Variants in ADAMTSL3 observed in about 807,000 individuals in gnomAD.
ADAMTSL3 encodes the protein ADAMTS like 3, also known as ADAMTS-like protein 3.
A neutral mutation model predicts 201.7 loss-of-function variants in ADAMTSL3; 128 were observed. That is an observed-to-expected ratio of 0.63 (90% CI 0.55 to 0.73). ADAMTSL3 has a LOEUF of 0.73. ADAMTSL3 is among the 30% of genes least tolerant of loss of function. The pLI is 0.00. For synonymous variants in ADAMTSL3, 738 were observed against 748.4 expected, an observed-to-expected ratio of 0.99 and a Z score of 0.23; for missense variants, 1,990 against 2,119.6, an observed-to-expected ratio of 0.94 and a Z score of 1.20.
At chr15:83,996,616 C>G (rs2067690750) in intron 23 of ADAMTSL3, among the ~76,000 whole-genome samples, 1 of 151,464 alleles carries the variant, frequency 6.6e-6, no homozygotes, top group African/African-American at 2.4e-5. Flanking sequence ...CCTGTCTCTA[C>G]TAAAAATACA....
chr15:84,012,489 C>T (rs1035600866), intron 23 of ADAMTSL3, among the ~76,000 whole-genome samples: 4 of 152,180 alleles, frequency 2.6e-5, no homozygotes, highest in Non-Finnish European at 4.4e-5. Flanking sequence ...TGCTCTGACA[C>T]TTTGAATCTC....
chr15:83,819,744 T>C (rs992194041), intron 5 of ADAMTSL3, 67 bp from the exon 6 acceptor site: 54 of 1,296,916 alleles, frequency 4.2e-5, no homozygotes, highest in Non-Finnish European at 5.2e-5. Flanking sequence ...TCTGGTGAAC[T>C]TATTTCATCT....
intron 4 of ADAMTSL3, among the ~76,000 whole-genome samples, chr15:83,800,933 G>C (rs1219087904): frequency 6.6e-6 from 1 of 151,990 alleles, no homozygotes; most frequent in African/African-American, 2.4e-5. Flanking sequence ...AAATGAAGTA[G>C]GCCATGTAAG....
chr15:83,850,659 C>T (rs1297351451), intron 7 of ADAMTSL3, among the ~76,000 whole-genome samples: 1 of 152,154 alleles, frequency 6.6e-6, no homozygotes, highest in African/African-American at 2.4e-5. Flanking sequence ...CCTCAGATCA[C>T]AGCTTCCTGT....
intron 3 of ADAMTSL3, among the ~76,000 whole-genome samples, chr15:83,754,125 C>G (rs2062680827): frequency 6.6e-6 from 1 of 152,160 alleles, no homozygotes; most frequent in Admixed American, 6.5e-5. Flanking sequence ...TGTCAGGCCT[C>G]CACCCATTAA....
At chr15:83,919,673 C>T (rs972995392) in intron 16 of ADAMTSL3, among the ~76,000 whole-genome samples, 4 of 152,054 alleles carry the variant, frequency 2.6e-5, no homozygotes, top group African/African-American at 9.7e-5. Flanking sequence ...TGAGGCAGAT[C>T]TGTGTGGGTG....
intron 3 of ADAMTSL3, among the ~76,000 whole-genome samples, chr15:83,725,267 T>A (rs1178033394): frequency 6.6e-6 from 1 of 152,192 alleles, no homozygotes; most frequent in East Asian, 1.9e-4. Context: ...TGAGATGATA[T>A]CTCATTGTAG....
intron 15 of ADAMTSL3, among the ~76,000 whole-genome samples, chr15:83,905,923 GT>G (rs1229571831): frequency 3.3e-5 from 5 of 151,022 alleles, no homozygotes; most frequent in African/African-American, 9.7e-5. Context: ...TTATTTTGTA[GT>G]TTTTTTTATG....
intron 19 of ADAMTSL3, among the ~76,000 whole-genome samples, chr15:83,964,622 T>C (rs1479496382): frequency 6.6e-6 from 1 of 152,000 alleles, no homozygotes; most frequent in Non-Finnish European, 1.5e-5. Flanking sequence ...AAGGAGAACT[T>C]CTCCAACATA....
intron 20 of ADAMTSL3, among the ~76,000 whole-genome samples, chr15:83,975,044 T>C (rs1177611080): frequency 2.3e-5 from 3 of 133,306 alleles, no homozygotes; most frequent in South Asian, 2.7e-4. Flanking sequence ...CGCTCTCGCC[T>C]AGGCTGGAGT....
chr15:83,737,505 C>A (rs1017080150), intron 3 of ADAMTSL3, among the ~76,000 whole-genome samples: 4 of 152,134 alleles, frequency 2.6e-5, no homozygotes, highest in Non-Finnish European at 5.9e-5. Context: ...TGCCTGCCAC[C>A]ACGTATGACA....
intron 9 of ADAMTSL3, among the ~76,000 whole-genome samples, chr15:83,884,519 C>G (rs2065349939): frequency 6.6e-6 from 1 of 151,736 alleles, no homozygotes; most frequent in Non-Finnish European, 1.5e-5. Context: ...AAGTGATCTA[C>G]CTGCCTTGAC....
rs539386599 is a variant in ADAMTSL3, at chr15:83,875,523, G to A, written c.960+4564G>A. Among the ~76,000 whole-genome samples the A allele has an allele frequency of 1.8e-3, 267 of 152,268 alleles. 1 individual carries two copies. The highest frequency in any genetic ancestry group is 6.8e-3 in the Middle Eastern group (2 of 294). ...ACAATCAGGATGTGCGGTGGCTCAC[G>A]CCTGTAATACCAGCACTTTGGGAGG... On this transcript the variant is annotated intron_variant, in intron 9 of 29. Coordinates refer to ENST00000286744, the MANE Select transcript of ADAMTSL3 (RefSeq NM_207517.3).
At chr15:83,713,821 A>G (rs903250646) in intron 3 of ADAMTSL3, among the ~76,000 whole-genome samples, 1 of 152,208 alleles carries the variant, frequency 6.6e-6, no homozygotes. Flanking sequence ...GGCCAATTCT[A>G]GCCTACGTCA....
chr15:84,036,404 AG>A (rs1482576260), intron 28 of ADAMTSL3, among the ~76,000 whole-genome samples: 1 of 152,232 alleles, frequency 6.6e-6, no homozygotes, highest in Non-Finnish European at 1.5e-5. Flanking sequence ...AATGAATTTG[AG>A]GTGGCTTATT....
chr15:83,991,322 C>T, intron 23 of ADAMTSL3, 108 bp downstream of exon 23: 4 of 1,505,150 alleles, frequency 2.7e-6, no homozygotes, highest in Non-Finnish European at 3.6e-6. Flanking sequence ...AGACCTCAGC[C>T]TGATAGGCTT....
chr15:83,836,673 G>T (rs576060793), intron 6 of ADAMTSL3, among the ~76,000 whole-genome samples: 2 of 152,196 alleles, frequency 1.3e-5, no homozygotes, highest in African/African-American at 4.8e-5. Context: ...CCTTTATAGT[G>T]TTTGAATCAT....
chr15:83,814,960 C>G (rs1244142777), intron 5 of ADAMTSL3, among the ~76,000 whole-genome samples: 1 of 152,092 alleles, frequency 6.6e-6, no homozygotes, highest in Non-Finnish European at 1.5e-5. Flanking sequence ...TTACATATCC[C>G]CATGGTTTTA....
chr15:83,956,859 C>T (rs1412812851), intron 19 of ADAMTSL3, among the ~76,000 whole-genome samples: 1 of 152,138 alleles, frequency 6.6e-6, no homozygotes, highest in Non-Finnish European at 1.5e-5. Context: ...AGGCCTATTT[C>T]CATAGCCTTA....
Sources: gnomAD v4.1 joint callset for allele counts (sites outside exome capture counted in the v4.1 genomes callset) on GRCh38, gnomAD v4.1.1 for gene constraint, MANE v1.5 for transcripts, NCBI Gene and HGNC (gene_info 2026-07-23, HGNC 2026-07-21) for gene names.